Variants in ZFHX3 observed in about 807,000 individuals in gnomAD.
The protein encoded by ZFHX3 is zinc finger homeobox protein 3.
A neutral mutation model predicts 279.1 loss-of-function variants in ZFHX3; 42 were observed. The observed-to-expected ratio is 0.15, with a 90% CI of 0.12 to 0.19. The LOEUF is 0.19. ZFHX3 is among the 10% of genes least tolerant of loss of function. The pLI is 1.00. For synonymous variants in ZFHX3, 2,293 were observed against 1,957.8 expected (o/e 1.17, Z -4.52); for missense variants, 4,981 against 4,754.0 (o/e 1.05, Z -1.40).
At chr16:73,260,764 C>T (rs2013802284) in intron 4 of ZFHX3, among the ~76,000 whole-genome samples, 1 of 144,954 alleles carries the variant, frequency 6.9e-6, no homozygotes, top group Non-Finnish European at 1.5e-5. Flanking sequence ...CTCACTGCAA[C>T]CTCCGCCTCC....
chr16:73,241,758 C>G (rs190285826), intron 5 of ZFHX3, among the ~76,000 whole-genome samples: 80 of 121,148 alleles, frequency 6.6e-4, no homozygotes, highest in African/African-American at 2.5e-3. Context: ...CCATTGCACT[C>G]TAGCTGGGGC....
intron 3 of ZFHX3, among the ~76,000 whole-genome samples, chr16:73,354,657 G>C (rs4889111): frequency 6.6e-6 from 1 of 151,968 alleles, no homozygotes; most frequent in Non-Finnish European, 1.5e-5. Flanking sequence ...GAATTTTCCC[G>C]CTTTCAGTGT....
At chr16:73,229,014 A>G (rs186030264) in intron 5 of ZFHX3, among the ~76,000 whole-genome samples, 2 of 152,152 alleles carry the variant, frequency 1.3e-5, no homozygotes, top group Admixed American at 6.5e-5. Context: ...TATATACTCA[A>G]TATACTCAAT....
chr16:73,510,736 A>G (rs141692777), intron 2 of ZFHX3, among the ~76,000 whole-genome samples: 8 of 152,344 alleles, frequency 5.3e-5, no homozygotes. Context: ...ACAAGGAGGT[A>G]AATCAGGAAG....
intron 4 of ZFHX3, among the ~76,000 whole-genome samples, chr16:73,263,469 G>A (rs116379545): frequency 0.014 from 2,085 of 152,284 alleles, 55 homozygotes; most frequent in African/African-American, 0.047. Context: ...GATTACAGGC[G>A]TAAGCCACTG....
intron 2 of ZFHX3, among the ~76,000 whole-genome samples, chr16:73,565,090 T>G (rs1393845617): frequency 6.6e-6 from 1 of 152,064 alleles, no homozygotes; most frequent in Non-Finnish European, 1.5e-5. Context: ...CCATCTCTAC[T>G]AAAAATACAA....
chr16:73,100,956 C>T (rs1208947492), intron 7 of ZFHX3, among the ~76,000 whole-genome samples: 1 of 152,112 alleles, frequency 6.6e-6, no homozygotes, highest in Non-Finnish European at 1.5e-5. Flanking sequence ...CAAGGGACCC[C>T]CAGCACCTGA....
At chr16:73,252,411 G>C (rs117976641) in intron 5 of ZFHX3, among the ~76,000 whole-genome samples, 1 of 152,126 alleles carries the variant, frequency 6.6e-6, no homozygotes, top group African/African-American at 2.4e-5. Flanking sequence ...TAGAGCAGTG[G>C]GTATGGAAGT....
Position 72,793,973 on chromosome 16 carries a change from G to A in ZFHX3, c.8709C>T (p.Ser2903=), listed in dbSNP as rs759836143. 1.2e-6 allele frequency: 2 copies of A among 1,614,092 alleles called. No homozygotes were observed. The highest frequency in any genetic ancestry group is 1.7e-6 in the Non-Finnish European group (2 of 1,180,040). ...CTGTACCTTCATTGTCATATTCCTT[G>A]CTATAAAAGCTCGGGGCCGGGCTGA... is the stretch of plus-strand genomic sequence containing the variant. ...GLVSPAPSFY[S]KEYDNEGTVD... The change falls in exon 9 of 10, where the codon AGC becomes AGT. Residue 2903 remains serine, a synonymous_variant. Coordinates refer to ENST00000268489, the MANE Select transcript of ZFHX3 (RefSeq NM_006885.4). The surrounding 1 kb of genome is among the most constrained non-coding windows in gnomAD (Gnocchi z 4.3).
At chr16:72,802,881 G>A (rs2036150707) in intron 7 of ZFHX3, among the ~76,000 whole-genome samples, 1 of 152,180 alleles carries the variant, frequency 6.6e-6, no homozygotes, top group South Asian at 2.1e-4. Flanking sequence ...GAGTCCTTCT[G>A]CTCACTGAGG....
chr16:73,071,460 C>T (rs946750298), intron 8 of ZFHX3, among the ~76,000 whole-genome samples: 1 of 148,608 alleles, frequency 6.7e-6, no homozygotes, highest in Admixed American at 6.6e-5. Context: ...CTTTTCTCTG[C>T]TGCTGCTGCT....
At chr16:73,657,266 G>T (rs943382819) in intron 2 of ZFHX3, among the ~76,000 whole-genome samples, 3 of 151,470 alleles carry the variant, frequency 2.0e-5, no homozygotes, top group African/African-American at 7.2e-5. Flanking sequence ...AGACCAGCCT[G>T]CCCAACACGG....
rs538154635 is a variant in ZFHX3 at position 73,738,634 on chromosome 16, T to C, written c.-1607-58394A>G. 5.1e-4 allele frequency among the ~76,000 whole-genome samples: 78 copies of C among 152,328 alleles called. 1 individual carries two copies. Among genetic ancestry groups the C allele is most frequent in the African/African-American group, 1.8e-3 (73 of 41,574 alleles). Reference sequence around the variant, plus strand: ...TCTTTTATGCTAGAGTTCCACGGTATAAGAAAAGGGGACGTTTCATGGTGG... The same window carrying C: ...TCTTTTATGCTAGAGTTCCACGGTACAAGAAAAGGGGACGTTTCATGGTGG... On this transcript the variant is annotated intron_variant, in intron 1 of 17. Transcript: ENST00000641206.
chr16:73,242,083 T>C (rs935056852), intron 5 of ZFHX3, among the ~76,000 whole-genome samples: 3 of 152,058 alleles, frequency 2.0e-5, no homozygotes, highest in African/African-American at 7.3e-5. Context: ...ATCTTCTGGG[T>C]TCCTAACTAG....
chr16:73,455,086 G>C (rs76790865), intron 3 of ZFHX3, among the ~76,000 whole-genome samples: 2 of 152,066 alleles, frequency 1.3e-5, no homozygotes, highest in Non-Finnish European at 2.9e-5. Flanking sequence ...CCATCATGAC[G>C]TTGTCAGGTG....
At chr16:73,717,002 A>G (rs1015427722) in intron 1 of ZFHX3, among the ~76,000 whole-genome samples, 2 of 152,176 alleles carry the variant, frequency 1.3e-5, no homozygotes, top group Non-Finnish European at 2.9e-5. Context: ...GAATGTTCAC[A>G]TCCTTCTTTG....
intron 2 of ZFHX3, among the ~76,000 whole-genome samples, chr16:73,516,140 T>G (rs2019517466): frequency 6.6e-6 from 1 of 152,202 alleles, no homozygotes. Context: ...AAATGCATTT[T>G]GAAAAGCTAC....
intron 2 of ZFHX3, among the ~76,000 whole-genome samples, chr16:73,581,643 A>G (rs1367697743): frequency 6.7e-6 from 1 of 150,090 alleles, no homozygotes; most frequent in Admixed American, 6.6e-5. Flanking sequence ...GGTCAAGCAT[A>G]AAACTTCGAA....
chr16:73,881,698 A>C (rs1218862135), intron 1 of ZFHX3, among the ~76,000 whole-genome samples: 1 of 151,926 alleles, frequency 6.6e-6, no homozygotes, highest in African/African-American at 2.4e-5. Flanking sequence ...GTGTGTATAC[A>C]TACACATATA....
Sources: gnomAD v4.1 joint callset for allele counts (sites outside exome capture counted in the v4.1 genomes callset) on GRCh38, gnomAD v4.1.1 for gene constraint, Gnocchi (gnomAD v3.1) non-coding constraint, MANE v1.5 for transcripts, NCBI Gene and HGNC (gene_info 2026-07-23, HGNC 2026-07-21) for gene names.